The following CRISPLD2 variants were observed in gnomAD, a reference collection of about 807,000 sequenced individuals.
CRISPLD2 encodes the protein cysteine-rich secretory protein LCCL domain-containing 2.
CRISPLD2 carries 47 observed loss-of-function variants against 71.1 expected under a neutral mutation model. That is an observed-to-expected ratio of 0.66 (90% CI 0.52 to 0.84). The LOEUF is 0.84. Among genes scored for constraint, CRISPLD2 ranks in the 40% least tolerant of loss-of-function variants. The pLI is 0.00. For missense variants in CRISPLD2, 830 were observed against 651.1 expected (o/e 1.27, Z -2.99); for synonymous variants, 317 against 250.1 (o/e 1.27, Z -2.52).
intron 2 of CRISPLD2, 148 bp from the exon 3 acceptor site, chr16:84,845,638 C>T (rs578059739): frequency 6.2e-6 from 4 of 644,170 alleles, no homozygotes; most frequent in East Asian, 2.7e-5. Flanking sequence ...GCCACGCCCC[C>T]CTGGCTGATT....
chr16:84,898,072 C>T (rs1328154052), intron 14 of CRISPLD2, among the ~76,000 whole-genome samples: 1 of 152,234 alleles, frequency 6.6e-6, no homozygotes, highest in African/African-American at 2.4e-5. Flanking sequence ...TTTATCATCA[C>T]TGATTGACAC....
intron 3 of CRISPLD2, among the ~76,000 whole-genome samples, chr16:84,848,746 T>G (rs1433271216): frequency 2.0e-5 from 3 of 152,190 alleles, no homozygotes; most frequent in Non-Finnish European, 4.4e-5. Context: ...CGGCCTTAAG[T>G]GCACTCACGT....
chr16:84,885,137 GC>G (rs2071601097), intron 13 of CRISPLD2, among the ~76,000 whole-genome samples: 1 of 152,176 alleles, frequency 6.6e-6, no homozygotes, highest in Non-Finnish European at 1.5e-5. Context: ...ATCTGCTCCA[GC>G]CCTCGGGTAG....
intron 7 of CRISPLD2, among the ~76,000 whole-genome samples, chr16:84,867,512 C>T (rs975452436): frequency 2.6e-5 from 4 of 152,220 alleles, no homozygotes; most frequent in Non-Finnish European, 5.9e-5. Flanking sequence ...TGCAGCAACA[C>T]GGGTCACCCA....
At chr16:84,889,065 G>A (rs1019166342) in intron 13 of CRISPLD2, among the ~76,000 whole-genome samples, 165 bp from the exon 14 acceptor site, 1 of 152,164 alleles carries the variant, frequency 6.6e-6, no homozygotes, top group Non-Finnish European at 1.5e-5. Context: ...CAGTCTCTCT[G>A]GAGAGACCCC....
At chr16:84,875,324 AC>A (rs2071508352) in intron 11 of CRISPLD2, among the ~76,000 whole-genome samples, 1 of 150,292 alleles carries the variant, frequency 6.7e-6, no homozygotes, top group African/African-American at 2.5e-5. Context: ...TGTCCAACCC[AC>A]AGCCCATGGG....
At chr16:84,881,533 C>T (rs761418546) in intron 13 of CRISPLD2, among the ~76,000 whole-genome samples, 17 of 152,210 alleles carry the variant, frequency 1.1e-4, no homozygotes, top group Non-Finnish European at 2.4e-4. Flanking sequence ...CAAGCTGTTT[C>T]CTTGTGGCGG....
chr16:84,870,291 C>T (rs763122302), intron 8 of CRISPLD2, among the ~76,000 whole-genome samples: 1 of 151,706 alleles, frequency 6.6e-6, no homozygotes, highest in African/African-American at 2.4e-5. Context: ...TTTCTGTGTA[C>T]AGATGAGGCT....
At chr16:84,850,244 C>G (rs111785294) in intron 4 of CRISPLD2, among the ~76,000 whole-genome samples, 2,207 of 152,122 alleles carry the variant, frequency 0.015, 50 homozygotes, top group African/African-American at 0.051. Context: ...GTGCCTGCCA[C>G]CACGCCCGGC....
chr16:84,880,746 C>T (rs964792868), intron 13 of CRISPLD2, 162 bp downstream of exon 13: 16 of 533,120 alleles, frequency 3.0e-5, no homozygotes, highest in Non-Finnish European at 5.3e-5. Context: ...TACTCTGTTG[C>T]CCAGGCTGGA....
intron 14 of CRISPLD2, among the ~76,000 whole-genome samples, chr16:84,901,467 A>G (rs904027251): frequency 2.3e-5 from 3 of 130,374 alleles, no homozygotes; most frequent in Non-Finnish European, 4.7e-5. Flanking sequence ...TCCTGGCTGC[A>G]CTTTTTTTTT....
chr16:84,880,388 CTGTA>C, intron 12 of CRISPLD2, 117 bp from the exon 13 acceptor site: 2 of 684,920 alleles, frequency 2.9e-6, no homozygotes, highest in South Asian at 2.5e-5. Context: ...ATGAGGAAAA[CTGTA>C]TGGCGGTTTC....
chr16:84,827,558 CTTT>C (rs571068599), intron 1 of CRISPLD2, among the ~76,000 whole-genome samples: 26 of 135,904 alleles, frequency 1.9e-4, no homozygotes, highest in African/African-American at 2.5e-4. Context: ...AGTGCCCTTT[CTTT>C]TTTTTTTTTT....
chr16:84,853,809 G>T (rs1917156545), intron 5 of CRISPLD2, among the ~76,000 whole-genome samples: 1 of 152,210 alleles, frequency 6.6e-6, no homozygotes, highest in Non-Finnish European at 1.5e-5. Context: ...TCTCACAGCA[G>T]CCCTGCTGCC....
chr16:84,876,565 G>C (rs2071520222), intron 11 of CRISPLD2, among the ~76,000 whole-genome samples: 1 of 151,488 alleles, frequency 6.6e-6, no homozygotes, highest in Non-Finnish European at 1.5e-5. Context: ...GGCTGAGGCA[G>C]GTGGATTACC....
intron 12 of CRISPLD2, among the ~76,000 whole-genome samples, chr16:84,879,902 G>T (rs1248258953): frequency 6.6e-6 from 1 of 152,166 alleles, no homozygotes; most frequent in East Asian, 1.9e-4. Context: ...CTTAAGTAAA[G>T]CCCGTGCTCT....
chr16:84,870,180 C>T (rs999876659), intron 8 of CRISPLD2, among the ~76,000 whole-genome samples: 1 of 152,030 alleles, frequency 6.6e-6, no homozygotes, highest in Non-Finnish European at 1.5e-5. Context: ...AATAATTATT[C>T]AGGAAAGCAA....
chr16:84,848,316 C>G (rs1597456124), intron 3 of CRISPLD2, among the ~76,000 whole-genome samples: 1 of 152,246 alleles, frequency 6.6e-6, no homozygotes, highest in Non-Finnish European at 1.5e-5. Flanking sequence ...TACAAGACCT[C>G]TAACTGCCTC....
intron 6 of CRISPLD2, among the ~76,000 whole-genome samples, chr16:84,866,060 G>A (rs909575145): frequency 5.3e-5 from 8 of 152,168 alleles, no homozygotes; most frequent in African/African-American, 1.9e-4. Context: ...AGGAGAGAAG[G>A]GATGGAAGTG....
Sources: allele counts gnomAD v4.1 joint callset (sites outside exome capture counted in the v4.1 genomes callset), GRCh38; gene constraint gnomAD v4.1.1; transcripts MANE v1.5; gene names NCBI Gene and HGNC (gene_info 2026-07-23, HGNC 2026-07-21).